Variants in COL21A1 observed in about 807,000 individuals in gnomAD.
COL21A1 encodes the protein collagen alpha-1(XXI) chain.
A neutral mutation model predicts 137.9 loss-of-function variants in COL21A1; 149 were observed. The ratio of observed to expected loss-of-function variants is 1.08; its 90% confidence interval spans 0.95 to 1.24. COL21A1 has a LOEUF of 1.24. Among genes scored for constraint, COL21A1 ranks in the 50% most tolerant of loss-of-function variants. The probability of loss-of-function intolerance (pLI) is 0.00; values close to 1 mark genes in which losing one functional copy is unlikely to be tolerated. For missense variants in COL21A1, 1,167 were observed against 1,158.4 expected (o/e 1.01, Z -0.11); for synonymous variants, 456 against 391.5 (o/e 1.16, Z -1.95).
Position 56,097,363 on chromosome 6 carries a change from C to A in COL21A1, c.1812+4109G>T, listed in dbSNP as rs187775294. 1.3e-3 allele frequency among the ~76,000 whole-genome samples: 191 copies of A among 152,178 alleles called. 4 individuals are homozygous for A. The highest frequency in any genetic ancestry group is 4.3e-3 in the African/African-American group (179 of 41,514). The stretch of plus-strand genomic sequence containing the variant: ...CCATTCACATTATTCTTTGCCTCAG[C>A]ACCTTGTTTGTCTATCTTTTTGAAC... On this transcript the variant is annotated intron_variant, in intron 17 of 29. Transcript: ENST00000244728.
At chr6:56,285,084 C>T (rs1763874987) in intron 1 of COL21A1, among the ~76,000 whole-genome samples, 1 of 152,178 alleles carries the variant, frequency 6.6e-6, no homozygotes, top group Admixed American at 6.5e-5. Context: ...TTCTTCCTAT[C>T]CCTCCCAGAA....
At chr6:56,379,161 C>T (rs115686095) in intron 1 of COL21A1, among the ~76,000 whole-genome samples, 654 of 152,296 alleles carry the variant, frequency 4.3e-3, no homozygotes, top group Non-Finnish European at 5.3e-3. Flanking sequence ...AACTCTTCAA[C>T]GCCCAGACAC....
chr6:56,133,940 T>C (rs1269114593), intron 12 of COL21A1, among the ~76,000 whole-genome samples: 1 of 152,170 alleles, frequency 6.6e-6, no homozygotes, highest in Non-Finnish European at 1.5e-5. Context: ...AGAAATTTGC[T>C]GCAGGGGCAG....
At chr6:56,350,794 C>G (rs1034908579) in intron 1 of COL21A1, among the ~76,000 whole-genome samples, 1 of 152,226 alleles carries the variant, frequency 6.6e-6, no homozygotes, top group African/African-American at 2.4e-5. Flanking sequence ...AGAAGAACAG[C>G]ACAGAGCCAA....
intron 17 of COL21A1, among the ~76,000 whole-genome samples, chr6:56,095,177 A>C (rs1582317513): frequency 6.6e-6 from 1 of 152,208 alleles, no homozygotes; most frequent in Non-Finnish European, 1.5e-5. Context: ...TTCTCTTTAA[A>C]TGCCTTTGTT....
chr6:56,310,039 A>G (rs925200196), intron 1 of COL21A1, among the ~76,000 whole-genome samples: 1 of 152,214 alleles, frequency 6.6e-6, no homozygotes. Context: ...CCCAGGCTTT[A>G]AAAGTCCAAG....
At chr6:56,234,301 C>A (rs1781766904) in intron 1 of COL21A1, among the ~76,000 whole-genome samples, 1 of 151,506 alleles carries the variant, frequency 6.6e-6, no homozygotes, top group Non-Finnish European at 1.5e-5. Flanking sequence ...ATATAATTTA[C>A]TAGGTAAATA....
At chr6:56,388,742 CA>C (rs1470069784) in intron 1 of COL21A1, among the ~76,000 whole-genome samples, 2 of 152,140 alleles carry the variant, frequency 1.3e-5, no homozygotes, top group East Asian at 3.9e-4. Context: ...CAAATGTCCA[CA>C]AGCATGAAGA....
Position 56,201,726 on chromosome 6 carries a change from G to A in COL21A1, c.-38-19070C>T, listed in dbSNP as rs375050234. On this transcript the variant is annotated intron_variant, in intron 1 of 29. Coordinates refer to ENST00000244728, the MANE Select transcript of COL21A1 (RefSeq NM_030820.4). ...AAAGTATGGAAACCACAAAGAAATG[G>A]GTCTGACAATTAGTGAGCTCTTAAT... Among the ~76,000 whole-genome samples, 23 of 152,040 alleles carry A rather than the reference G, an allele frequency of 1.5e-4. 2 individuals carry two copies. The highest frequency in any genetic ancestry group is 5.5e-4 in the African/African-American group (23 of 41,446).
chr6:56,156,598 G>A (rs189631396), intron 10 of COL21A1, among the ~76,000 whole-genome samples: 299 of 152,202 alleles, frequency 2.0e-3, no homozygotes, highest in Non-Finnish European at 3.6e-3. Flanking sequence ...AAAGGGAGAT[G>A]GCCTGATCAC....
intron 1 of COL21A1, among the ~76,000 whole-genome samples, chr6:56,349,302 T>G (rs1256087363): frequency 6.6e-6 from 1 of 151,778 alleles, no homozygotes; most frequent in Non-Finnish European, 1.5e-5. Context: ...ATTGTATGTT[T>G]TTAATAAAGA....
chr6:56,115,301 G>GAAAAAAAAAAAAA (rs70986768), intron 16 of COL21A1, among the ~76,000 whole-genome samples: 1 of 140,746 alleles, frequency 7.1e-6, no homozygotes. Context: ...TAATAATAAA[G>GAAAAAAAAAAAAA]AAAAAAAAAA....
intron 1 of COL21A1, among the ~76,000 whole-genome samples, chr6:56,302,289 C>T (rs1037921668): frequency 2.0e-5 from 3 of 152,032 alleles, no homozygotes; most frequent in Non-Finnish European, 4.4e-5. Context: ...TTCTAGATCC[C>T]TGAGGAATCA....
intron 28 of COL21A1, 94 bp downstream of exon 28, chr6:56,059,924 A>G: frequency 1.2e-6 from 1 of 841,236 alleles, no homozygotes; most frequent in East Asian, 3.1e-5. Context: ...TTTATCATGA[A>G]AAAAGTTAAC....
intron 16 of COL21A1, among the ~76,000 whole-genome samples, chr6:56,112,847 G>A (rs532971361): frequency 2.0e-5 from 3 of 151,954 alleles, no homozygotes; most frequent in East Asian, 1.9e-4. Context: ...ACCATGCCCC[G>A]CTAATTTTGT....
intron 28 of COL21A1, among the ~76,000 whole-genome samples, chr6:56,059,528 A>C (rs1765610711): frequency 6.6e-6 from 1 of 152,214 alleles, no homozygotes; most frequent in Admixed American, 6.5e-5. Flanking sequence ...TTTATGAAAC[A>C]TCTAAATTGC....
At chr6:56,083,967 A>G (rs1768005324) in intron 17 of COL21A1, among the ~76,000 whole-genome samples, 1 of 151,952 alleles carries the variant, frequency 6.6e-6, no homozygotes, top group East Asian at 1.9e-4. Context: ...ACACAAAATC[A>G]TCTCAAAAGA....
intron 1 of COL21A1, among the ~76,000 whole-genome samples, chr6:56,272,909 G>C (rs977338069): frequency 6.6e-6 from 1 of 152,106 alleles, no homozygotes; most frequent in Non-Finnish European, 1.5e-5. Context: ...GAATTACCCA[G>C]TCTCAGGTAG....
intron 1 of COL21A1, among the ~76,000 whole-genome samples, chr6:56,304,680 C>T (rs1582768229): frequency 6.6e-6 from 1 of 152,250 alleles, no homozygotes; most frequent in Non-Finnish European, 1.5e-5. Context: ...TTTCAAAAAA[C>T]CAGCTCCTGG....
Sources: allele counts gnomAD v4.1 joint callset (sites outside exome capture counted in the v4.1 genomes callset), GRCh38; gene constraint gnomAD v4.1.1; transcripts MANE v1.5; gene names NCBI Gene and HGNC (gene_info 2026-07-23, HGNC 2026-07-21).